KCNIP4: variants seen among roughly 807,000 people sequenced by gnomAD.
The protein encoded by KCNIP4 is Kv channel-interacting protein 4.
In KCNIP4, 12 loss-of-function variants were observed where a neutral mutation model predicts 34.0. The observed-to-expected ratio is 0.35, with a 90% CI of 0.23 to 0.57. The LOEUF is 0.57. Ranked by LOEUF, KCNIP4 falls within the 20% of genes least tolerant of loss-of-function variation. The probability of loss-of-function intolerance (pLI) is 0.83; values close to 1 mark genes in which losing one functional copy is unlikely to be tolerated. For missense variants in KCNIP4, 238 were observed against 311.7 expected (o/e 0.76, Z 1.78); for synonymous variants, 124 against 102.2 (o/e 1.21, Z -1.29).
At chr4:20,878,432 C>T (rs1724301965) in intron 2 of KCNIP4, among the ~76,000 whole-genome samples, 1 of 152,162 alleles carries the variant, frequency 6.6e-6, no homozygotes, top group Non-Finnish European at 1.5e-5. Context: ...GTCAATGAGG[C>T]TTTCTCTGAG....
chr4:21,606,534 T>C (rs1177724915), intron 1 of KCNIP4, among the ~76,000 whole-genome samples: 1 of 152,170 alleles, frequency 6.6e-6, no homozygotes, highest in Non-Finnish European at 1.5e-5. Flanking sequence ...GCTGTGTTGC[T>C]TTCCCAGTGC....
intron 1 of KCNIP4, among the ~76,000 whole-genome samples, chr4:21,455,625 G>GTT (rs200924043): frequency 5.0e-3 from 697 of 140,010 alleles, no homozygotes; most frequent in Admixed American, 6.4e-3. Flanking sequence ...GAAACTGAAG[G>GTT]TTTTTTTTTT....
intron 6 of KCNIP4, among the ~76,000 whole-genome samples, chr4:20,733,525 T>A (rs1052976927): frequency 4.6e-5 from 7 of 152,210 alleles, no homozygotes; most frequent in African/African-American, 1.7e-4. Flanking sequence ...TATTCAATTA[T>A]AAATGATAGA....
At chr4:21,528,279 A>ATTG (rs1271050993) in intron 1 of KCNIP4, among the ~76,000 whole-genome samples, 1 of 152,028 alleles carries the variant, frequency 6.6e-6, no homozygotes, top group Non-Finnish European at 1.5e-5. Context: ...GATTTGAGTT[A>ATTG]TTGTTGTTGT....
intron 1 of KCNIP4, among the ~76,000 whole-genome samples, chr4:21,385,738 C>T (rs537065958): frequency 6.6e-5 from 10 of 152,052 alleles, no homozygotes; most frequent in Non-Finnish European, 1.0e-4. Flanking sequence ...AAGCTTAGAC[C>T]GAGAGATTAG....
chr4:20,759,791 G>A (rs1754798693), intron 3 of KCNIP4, among the ~76,000 whole-genome samples: 1 of 152,120 alleles, frequency 6.6e-6, no homozygotes, highest in South Asian at 2.1e-4. Flanking sequence ...AAGAATTTAG[G>A]CGTAGAGGCC....
chr4:21,797,466 C>T (rs73256560), intron 1 of KCNIP4, among the ~76,000 whole-genome samples: 52,402 of 150,398 alleles, frequency 0.35, 10,669 homozygotes, highest in Non-Finnish European at 0.48. Flanking sequence ...TTCTCAAAAA[C>T]ATCAGTTTTT....
At chr4:21,937,305 A>G (rs1578162764) in intron 1 of KCNIP4, among the ~76,000 whole-genome samples, 1 of 151,972 alleles carries the variant, frequency 6.6e-6, no homozygotes, top group Admixed American at 6.6e-5. Context: ...TCACCGCAGC[A>G]CCACAAAGTA....
At chr4:21,832,622 G>T (rs1234754824) in intron 1 of KCNIP4, among the ~76,000 whole-genome samples, 2 of 148,420 alleles carry the variant, frequency 1.3e-5, no homozygotes, top group African/African-American at 5.0e-5. Context: ...TAAGTTTTAG[G>T]GTACATGTGC....
At chr4:21,482,139 CT>C (rs33961292) in intron 1 of KCNIP4, among the ~76,000 whole-genome samples, 105,676 of 150,710 alleles carry the variant, frequency 0.7, 37,596 homozygotes, top group African/African-American at 0.83. Flanking sequence ...CAACCCCTGC[CT>C]TTTTTTTGTT....
At chr4:21,282,953 AATGGTTAAACACG>A (rs1762873530) in intron 1 of KCNIP4, among the ~76,000 whole-genome samples, 1 of 152,258 alleles carries the variant, frequency 6.6e-6, no homozygotes, top group Non-Finnish European at 1.5e-5. Context: ...TCAACTGCTG[AATGGTTAAACACG>A]TGGCAAACTC....
chr4:21,193,574 T>A (rs1755838099), intron 1 of KCNIP4, among the ~76,000 whole-genome samples: 2 of 143,058 alleles, frequency 1.4e-5, no homozygotes, highest in Admixed American at 1.4e-4. Flanking sequence ...ATTTTAAATT[T>A]TTTTTTTTTT....
intron 1 of KCNIP4, among the ~76,000 whole-genome samples, chr4:21,761,337 T>C (rs1172116860): frequency 6.6e-6 from 1 of 152,156 alleles, no homozygotes; most frequent in African/African-American, 2.4e-5. Context: ...GTGTACTTTT[T>C]TGTAAATGCC....
At chr4:21,486,084 A>G (rs1731883070) in intron 1 of KCNIP4, among the ~76,000 whole-genome samples, 1 of 152,238 alleles carries the variant, frequency 6.6e-6, no homozygotes, top group Admixed American at 6.5e-5. Context: ...CTAGCAGACT[A>G]TCTCAGGACA....
intron 1 of KCNIP4, among the ~76,000 whole-genome samples, chr4:21,066,127 G>T (rs1744360825): frequency 6.6e-6 from 1 of 151,998 alleles, no homozygotes; most frequent in South Asian, 2.1e-4. Context: ...CATGTGGTTT[G>T]TTTATAGGAT....
chr4:21,535,929 C>A (rs1737127940), intron 1 of KCNIP4, among the ~76,000 whole-genome samples: 1 of 152,126 alleles, frequency 6.6e-6, no homozygotes. Flanking sequence ...AAGCAGAAAT[C>A]TGAGTCTCCA....
chr4:20,884,706 C>CTTT (rs975286527), intron 1 of KCNIP4, among the ~76,000 whole-genome samples: 2 of 125,708 alleles, frequency 1.6e-5, no homozygotes, highest in African/African-American at 2.9e-5. Flanking sequence ...CCAGTGCAGC[C>CTTT]TTTTTTTTTT....
chr4:21,257,554 C>T (rs974476176), intron 1 of KCNIP4, among the ~76,000 whole-genome samples: 4 of 151,952 alleles, frequency 2.6e-5, no homozygotes, highest in Non-Finnish European at 4.4e-5. Context: ...TTGAGGCCAG[C>T]CTGACAAATA....
At chr4:21,040,197 G>A (rs899121754) in intron 1 of KCNIP4, among the ~76,000 whole-genome samples, 1 of 152,182 alleles carries the variant, frequency 6.6e-6, no homozygotes, top group Admixed American at 6.5e-5. Context: ...GGGAAACAAA[G>A]CCTAACCATA....
Sources: allele counts gnomAD v4.1 joint callset (sites outside exome capture counted in the v4.1 genomes callset), GRCh38; gene constraint gnomAD v4.1.1; transcripts MANE v1.5; gene names NCBI Gene and HGNC (gene_info 2026-07-23, HGNC 2026-07-21).